DPP9: variants seen among roughly 807,000 people sequenced by gnomAD.
DPP9 encodes the protein dipeptidyl peptidase IV-related protein-2.
In DPP9, 50 loss-of-function variants were observed where a neutral mutation model predicts 110.7. The observed-to-expected ratio is 0.45, with a 90% CI of 0.36 to 0.57. DPP9 has a LOEUF of 0.57. Ranked by LOEUF, DPP9 falls within the 20% of genes least tolerant of loss-of-function variation. The pLI, the probability that DPP9 is intolerant of heterozygous loss-of-function variation, is 0.00. For missense variants in DPP9, 1,022 were observed against 1,217.9 expected (o/e 0.84, Z 2.39); for synonymous variants, 561 against 514.4 (o/e 1.09, Z -1.23).
At chr19:4,721,853 C>T (rs1173053138) in intron 2 of DPP9, among the ~76,000 whole-genome samples, 1 of 152,098 alleles carries the variant, frequency 6.6e-6, no homozygotes, top group Non-Finnish European at 1.5e-5. Flanking sequence ...ATAAAGTCAC[C>T]ACGAAAAATC....
At chr19:4,706,582 G>A (rs770471779) in intron 4 of DPP9, among the ~76,000 whole-genome samples, 1 of 152,068 alleles carries the variant, frequency 6.6e-6, no homozygotes, top group African/African-American at 2.4e-5. Context: ...TTGGGAGGCC[G>A]AGGCAAGCAG....
chr19:4,683,197 C>T (rs1440444265), intron 19 of DPP9: 1 of 1,428,288 alleles, frequency 7.0e-7, no homozygotes, highest in Non-Finnish European at 9.2e-7. Context: ...CACCTCTGCC[C>T]ATCCGAGGCC....
At chr19:4,703,793 G>C in intron 7 of DPP9, 93 bp downstream of exon 7, 1 of 1,380,278 alleles carries the variant, frequency 7.2e-7, no homozygotes, top group Non-Finnish European at 9.9e-7. Flanking sequence ...TGAGGGGTGT[G>C]TGCAGGAAGA....
In DPP9 at chr19:4,707,490, C is replaced by T. The variant is rs144055548; in HGVS notation, c.314-1520G>A. ...TAGCCCACAAACGTGACATGACTAACGACAAGTCACAGACAGCCCGGTGCC... is the reference window on the plus strand; with the variant it reads ...TAGCCCACAAACGTGACATGACTAATGACAAGTCACAGACAGCCCGGTGCC... On this transcript the variant is annotated intron_variant, in intron 4 of 21. Coordinates refer to ENST00000262960, the MANE Select transcript of DPP9 (RefSeq NM_139159.5). 7.2e-5 allele frequency among the ~76,000 whole-genome samples: 11 copies of T among 152,176 alleles called. No homozygotes were observed. In the East Asian group the frequency reaches 1.2e-3, roughly 16 times the overall value.
intron 4 of DPP9, among the ~76,000 whole-genome samples, chr19:4,706,325 C>T (rs1276966195): frequency 8.9e-6 from 1 of 112,708 alleles, no homozygotes; most frequent in Admixed American, 8.6e-5. Flanking sequence ...AGCAAGGCCC[C>T]GTCTCAAAAA....
chr19:4,679,103 C>T (rs1179374380), intron 21 of DPP9, among the ~76,000 whole-genome samples: 2 of 151,578 alleles, frequency 1.3e-5, no homozygotes, highest in Non-Finnish European at 2.9e-5. Context: ...CCCCACCCTC[C>T]TCACCGCTGA....
chr19:4,695,282 A>G lies in DPP9; in HGVS notation c.1353+96T>C. 1 of 1,325,080 alleles carries G rather than the reference A, an allele frequency of 7.5e-7. No homozygotes were observed. Among genetic ancestry groups the G allele is most frequent in the South Asian group, 1.5e-5 (1 of 65,400 alleles). 82.1% of individuals were successfully genotyped at this position (1,325,080 alleles called of 1,614,324 possible). Reference sequence around the variant, plus strand: ...ACTTCTCCACACAAGGGCAAACACCACCTGCCATTGGCGCTCAGCCTTCTA... The same window carrying G: ...ACTTCTCCACACAAGGGCAAACACCGCCTGCCATTGGCGCTCAGCCTTCTA... On this transcript the variant is annotated intron_variant, in intron 12 of 21. Transcript: ENST00000262960. The surrounding 1 kb of genome is among the most constrained non-coding windows in gnomAD (Gnocchi z 4.7).
rs988388425 is a variant in DPP9 at position 4,704,663 on chromosome 19, G to A, written c.427-359C>T. ...CCCACACCACCGGAGTACTCTCTCC[G>A]GGTCCCTAGTGCCATTCTTACAGAC... is the stretch of plus-strand genomic sequence containing the variant. On this transcript the variant is annotated intron_variant, in intron 5 of 21. Transcript: ENST00000262960. The surrounding 1 kb of genome is among the most constrained non-coding windows in gnomAD (Gnocchi z 6.0). Among the ~76,000 whole-genome samples, 7 of 152,160 alleles carry A rather than the reference G, an allele frequency of 4.6e-5. No homozygotes were observed. Among genetic ancestry groups the A allele is most frequent in the Admixed American group, 1.3e-4 (2 of 15,276 alleles).
intron 21 of DPP9, chr19:4,679,366 C>T: frequency 6.1e-6 from 1 of 162,666 alleles, no homozygotes; most frequent in Middle Eastern, 2.9e-3. Flanking sequence ...TCCTCCCGCT[C>T]GGTCCCCCAA....
In DPP9 at chr19:4,698,576, A is replaced by C. The variant is rs1048397958; in HGVS notation, c.1075-925T>G. Among the ~76,000 whole-genome samples, 3 of 151,912 alleles carry C rather than the reference A, an allele frequency of 2.0e-5. No individual in the cohort carries two copies. The highest frequency in any genetic ancestry group is 4.8e-5 in the African/African-American group (2 of 41,322). On this transcript the variant is annotated intron_variant, in intron 10 of 21. Transcript: ENST00000262960. The surrounding 1 kb of genome is among the most constrained non-coding windows in gnomAD (Gnocchi z 4.2). ...AGACCAGCCTGGGGAACATGGCAAG[A>C]CCCCATCTCTACAAAACCCACAATT... is the stretch of plus-strand genomic sequence containing the variant.
At position 4,697,620 on chromosome 19, in the gene DPP9, T is replaced by C. The variant is rs2091910934; in HGVS notation, c.1106A>G (p.Gln369Arg). ...IVSTQEKELV[Q>R]PFSSLFPKVE... ...CTTCGGGAACAGCGAGCTGAAGGGC[T>C]GCACCAGCTCCTTCTCCTGGGTCGA... Residue 369 changes from glutamine to arginine, a missense_variant, in exon 11 of 22, where the codon CAG becomes CGG. Coordinates refer to ENST00000262960, the MANE Select transcript of DPP9 (RefSeq NM_139159.5). 1 of 1,613,758 alleles carries C rather than the reference T, an allele frequency of 6.2e-7. No individual in the cohort carries two copies. The highest frequency in any genetic ancestry group is 1.3e-5 in the African/African-American group (1 of 74,938).
At chr19:4,711,578 G>C (rs941532114) in intron 4 of DPP9, among the ~76,000 whole-genome samples, 2 of 151,968 alleles carry the variant, frequency 1.3e-5, no homozygotes, top group Non-Finnish European at 2.9e-5. Flanking sequence ...TTTGAGACCA[G>C]CCTGGCCAAC....
intron 3 of DPP9, among the ~76,000 whole-genome samples, chr19:4,715,009 T>A (rs1239547444): frequency 7.0e-6 from 1 of 142,570 alleles, no homozygotes. Flanking sequence ...TATATGTTTA[T>A]ATATATATAC....
In DPP9 at chr19:4,718,266, G is replaced by C. The variant is rs1273191755; in HGVS notation, c.56+1585C>G. Among the ~76,000 whole-genome samples the C allele has an allele frequency of 6.6e-6, 1 of 152,126 alleles. No homozygotes were observed. Among genetic ancestry groups the C allele is most frequent in the South Asian group, 2.1e-4 (1 of 4,828 alleles). On this transcript the variant is annotated intron_variant, in intron 3 of 21. Coordinates refer to ENST00000262960, the MANE Select transcript of DPP9 (RefSeq NM_139159.5). This position sits in a 1 kb window ranked among gnomAD's most constrained non-coding sequence, Gnocchi z 4.3. ...GTGTCTGAGCTGGTGCTTTGGTGGC[G>C]AGCGGGGGCGGGGGAGTAGTTGGAG...
rs61276372 is a variant in DPP9, at chr19:4,700,014, G to T, written c.1074+202C>A. 4.8e-4 allele frequency among the ~76,000 whole-genome samples: 73 copies of T among 152,312 alleles called. No homozygotes were observed. Among genetic ancestry groups the T allele is most frequent in the African/African-American group, 1.7e-3 (71 of 41,560 alleles). On this transcript the variant is annotated intron_variant, in intron 10 of 21. Transcript: ENST00000262960. The surrounding 1 kb of genome is among the most constrained non-coding windows in gnomAD (Gnocchi z 4.3). Reference sequence around the variant, plus strand: ...AGGACCCACTCTGTGAGGCAGGGAGGCCAGCTCGCCACGCCGCATTCTAGG... The same window carrying T: ...AGGACCCACTCTGTGAGGCAGGGAGTCCAGCTCGCCACGCCGCATTCTAGG...
rs1230074347 is a variant in DPP9 at position 4,676,840 on chromosome 19, G to A, written c.2587-184C>T. ...TAACTCTGGGCCTCTCTAAAAAATG[G>A]GGTGAATCCGGACCTCACAGTCTTT... is the stretch of plus-strand genomic sequence containing the variant. On this transcript the variant is annotated intron_variant, in intron 21 of 21. Coordinates refer to ENST00000262960, the MANE Select transcript of DPP9 (RefSeq NM_139159.5). This position sits in a 1 kb window ranked among gnomAD's most constrained non-coding sequence, Gnocchi z 4.0. Among the ~76,000 whole-genome samples the A allele has an allele frequency of 6.6e-6, 1 of 152,188 alleles. No individual in the cohort carries two copies. Among genetic ancestry groups the A allele is most frequent in the African/African-American group, 2.4e-5 (1 of 41,446 alleles).
At chr19:4,702,430 C>T (rs567333895) in intron 8 of DPP9, among the ~76,000 whole-genome samples, 173 bp downstream of exon 8, 3 of 152,264 alleles carry the variant, frequency 2.0e-5, no homozygotes, top group Admixed American at 2.0e-4. Context: ...AACTGTGTCC[C>T]CTCTTAGGGC....
At chr19:4,722,208 G>T in intron 2 of DPP9, 1 of 434,616 alleles carries the variant, frequency 2.3e-6, no homozygotes, top group Non-Finnish European at 4.1e-6. Flanking sequence ...GTCAGGCAGT[G>T]TAGGTGGATC....
Position 4,676,408 on chromosome 19 carries a change from C to T in DPP9, c.*156G>A, listed in dbSNP as rs1235404014. ...GCGTTTAAAAAAGGATAAAAGGCGT[C>T]GGGGCGGTGAAGGCAGCGGCTCCTC... On this transcript the variant is annotated 3_prime_UTR_variant, in exon 22 of 22. Coordinates refer to ENST00000262960, the MANE Select transcript of DPP9 (RefSeq NM_139159.5). This position sits in a 1 kb window ranked among gnomAD's most constrained non-coding sequence, Gnocchi z 4.0. The T allele has an allele frequency of 1.6e-6, 1 of 636,880 alleles. No individual in the cohort carries two copies. The highest frequency in any genetic ancestry group is 2.7e-5 in the East Asian group (1 of 36,444). 39.5% of individuals were successfully genotyped at this position (636,880 alleles called of 1,614,324 possible).
Sources: allele counts gnomAD v4.1 joint callset (sites outside exome capture counted in the v4.1 genomes callset), GRCh38; gene constraint gnomAD v4.1.1; non-coding constraint Gnocchi (gnomAD v3.1); transcripts MANE v1.5; gene names NCBI Gene and HGNC (gene_info 2026-07-23, HGNC 2026-07-21).